MEIS2: variants seen among roughly 807,000 people sequenced by gnomAD.
MEIS2 encodes homeobox protein Meis2.
A neutral mutation model predicts 58.6 loss-of-function variants in MEIS2; 9 were observed. That is an observed-to-expected ratio of 0.15 (90% CI 0.09 to 0.27). The LOEUF is 0.27. Ranked by LOEUF, MEIS2 falls within the 10% of genes least tolerant of loss-of-function variation. The pLI is 1.00. For missense variants in MEIS2, 427 were observed against 635.0 expected (o/e 0.67, Z 3.52); for synonymous variants, 221 against 228.4 (o/e 0.97, Z 0.29).
At chr15:36,921,977 G>A (rs903740140) in intron 9 of MEIS2, among the ~76,000 whole-genome samples, 2 of 152,170 alleles carry the variant, frequency 1.3e-5, no homozygotes, top group Admixed American at 6.5e-5. Flanking sequence ...AGTATCCAAG[G>A]ACTTCCATGT....
intron 9 of MEIS2, among the ~76,000 whole-genome samples, chr15:36,940,053 A>C: frequency 6.6e-6 from 1 of 152,198 alleles, no homozygotes; most frequent in Non-Finnish European, 1.5e-5. Flanking sequence ...AGCATCCTGA[A>C]AATGTTACCC....
At chr15:36,939,887 G>A (rs2058314816) in intron 9 of MEIS2, among the ~76,000 whole-genome samples, 1 of 152,142 alleles carries the variant, frequency 6.6e-6, no homozygotes, top group Admixed American at 6.5e-5. Flanking sequence ...CTTAGGGTAT[G>A]GGACGGGTAA....
intron 8 of MEIS2, among the ~76,000 whole-genome samples, chr15:36,964,201 T>C (rs1026956086): frequency 1.3e-5 from 2 of 152,242 alleles, no homozygotes; most frequent in Non-Finnish European, 2.9e-5. Flanking sequence ...TACAAAAAAA[T>C]GCCAAATGAA....
rs749484440 is a variant in MEIS2 at position 37,093,725 on chromosome 15, G to A, written c.495C>T (p.His165=). The A allele has an allele frequency of 7.4e-6, 12 of 1,614,124 alleles. No homozygotes were observed. The East Asian group carries it at 1.1e-4, about 15-fold the overall frequency. ...GGTGGCAGAAGTTATCGCACAGTTC[G>A]TGGACCTAGAACGAAGGTCATGGTG... ...RFHLLELEKV[H]ELCDNFCHRY... Residue 165 remains histidine, a synonymous_variant, in exon 6 of 12, where the codon CAC becomes CAT. Transcript: ENST00000561208.
intron 8 of MEIS2, among the ~76,000 whole-genome samples, chr15:36,969,217 A>T (rs1197146404): frequency 1.3e-5 from 2 of 152,236 alleles, no homozygotes; most frequent in Non-Finnish European, 2.9e-5. Flanking sequence ...GAGCTCCCAT[A>T]AAGGGTGAGA....
At chr15:37,097,862 A>C in intron 2 of MEIS2, 105 bp downstream of exon 2, 1 of 1,423,316 alleles carries the variant, frequency 7.0e-7, no homozygotes, top group South Asian at 1.5e-5. Flanking sequence ...CCCCCACCAT[A>C]CAGAAGTAAC....
intron 8 of MEIS2, among the ~76,000 whole-genome samples, chr15:36,963,578 C>T (rs1567114559): frequency 6.6e-6 from 1 of 152,080 alleles, no homozygotes. Context: ...AATGCATAAG[C>T]CACTATTTTA....
intron 9 of MEIS2, among the ~76,000 whole-genome samples, chr15:36,930,347 G>C (rs1339064074): frequency 6.6e-6 from 1 of 151,856 alleles, no homozygotes; most frequent in Non-Finnish European, 1.5e-5. Flanking sequence ...AGCTGCCAAA[G>C]TACCACCAAA....
chr15:37,098,373 A>AGG lies in MEIS2; in HGVS notation c.13-175_13-174insCC. On this transcript the variant is annotated intron_variant, in intron 1 of 11. Transcript: ENST00000561208. ...AGAGAGGAGGAGGAGGAAAAGGAGG[A>AGG]GAGGGGGAGAGAGAGAGAGAGAGAG... 3 of 667,954 alleles carry AGG rather than the reference A, an allele frequency of 4.5e-6. No individual in the cohort carries two copies. In the African/African-American group the frequency reaches 7.8e-5, roughly 17 times the overall value. The allele number at this position is 667,954 out of a possible 1,614,324, so 41.4% of individuals were successfully genotyped here.
intron 7 of MEIS2, among the ~76,000 whole-genome samples, chr15:37,048,818 T>C (rs1371996401): frequency 6.6e-6 from 1 of 152,128 alleles, no homozygotes; most frequent in Admixed American, 6.5e-5. Context: ...TAGTTACCTA[T>C]AGAAAAAATG....
intron 7 of MEIS2, among the ~76,000 whole-genome samples, chr15:37,051,675 A>C (rs2062924512): frequency 6.6e-6 from 1 of 152,148 alleles, no homozygotes; most frequent in Non-Finnish European, 1.5e-5. Flanking sequence ...ATCATCAAAA[A>C]CCTGTTATTT....
chr15:37,008,908 A>G (rs1023055379), intron 8 of MEIS2, among the ~76,000 whole-genome samples: 13 of 152,326 alleles, frequency 8.5e-5, no homozygotes, highest in South Asian at 8.3e-4. Context: ...ACCAGTAAAC[A>G]TATCTCCCCC....
intron 8 of MEIS2, among the ~76,000 whole-genome samples, chr15:37,010,944 T>C (rs148716592): frequency 1.2e-4 from 19 of 152,342 alleles, no homozygotes; most frequent in Admixed American, 5.9e-4. Context: ...CCGTCATTCT[T>C]ATCATATCTC....
intron 7 of MEIS2, among the ~76,000 whole-genome samples, chr15:37,081,534 C>T (rs1348375270): frequency 6.6e-6 from 1 of 152,132 alleles, no homozygotes; most frequent in Non-Finnish European, 1.5e-5. Context: ...ATGAGTATGA[C>T]AACATACACT....
intron 6 of MEIS2, among the ~76,000 whole-genome samples, chr15:37,087,703 G>A (rs1404287218): frequency 6.6e-6 from 1 of 152,154 alleles, no homozygotes; most frequent in African/African-American, 2.4e-5. Context: ...TCATATGTGT[G>A]CCTCTCTTGT....
intron 7 of MEIS2, among the ~76,000 whole-genome samples, chr15:37,038,318 A>C (rs2062247786): frequency 6.6e-6 from 1 of 152,228 alleles, no homozygotes. Flanking sequence ...GCTACAGCAC[A>C]GCCATCCTGC....
At chr15:37,071,724 C>T (rs1890731389) in intron 7 of MEIS2, among the ~76,000 whole-genome samples, 1 of 151,890 alleles carries the variant, frequency 6.6e-6, no homozygotes, top group African/African-American at 2.4e-5. Context: ...GGAGATTTGC[C>T]CATGATAAGT....
intron 8 of MEIS2, among the ~76,000 whole-genome samples, chr15:37,000,814 A>G (rs1293737019): frequency 6.6e-6 from 1 of 152,158 alleles, no homozygotes; most frequent in East Asian, 1.9e-4. Flanking sequence ...AGAAGCAAAA[A>G]ACAAGCAACT....
intron 9 of MEIS2, among the ~76,000 whole-genome samples, chr15:36,933,893 T>C (rs2058070954): frequency 6.6e-6 from 1 of 152,178 alleles, no homozygotes; most frequent in African/African-American, 2.4e-5. Flanking sequence ...CAAGTGGTGA[T>C]TATTATTAAA....
Sources: allele counts gnomAD v4.1 joint callset (sites outside exome capture counted in the v4.1 genomes callset), GRCh38; gene constraint gnomAD v4.1.1; transcripts MANE v1.5; gene names NCBI Gene and HGNC (gene_info 2026-07-23, HGNC 2026-07-21).